The following PXDNL variants were observed in gnomAD, a reference collection of about 807,000 sequenced individuals.
PXDNL encodes peroxidasin like, also known as probable oxidoreductase PXDNL.
PXDNL carries 145 observed loss-of-function variants against 150.8 expected under a neutral mutation model. That is an observed-to-expected ratio of 0.96 (90% confidence interval 0.84 to 1.10). The LOEUF is 1.10. Ranked by LOEUF, PXDNL falls within the 50% of genes least tolerant of loss-of-function variation. The pLI is 0.00. For missense variants in PXDNL, 2,087 were observed against 1,873.9 expected (o/e 1.11, Z -2.10); for synonymous variants, 757 against 725.7 (o/e 1.04, Z -0.69).
Position 51,453,510 on chromosome 8 carries a change from C to T in PXDNL, c.1249+9G>A, listed in dbSNP as rs982138961. 19 of 1,613,544 alleles carry T rather than the reference C, an allele frequency of 1.2e-5. No individual in the cohort carries two copies. Among genetic ancestry groups the T allele is most frequent in the Non-Finnish European group, 1.6e-5 (19 of 1,179,470 alleles). ...GGAACATTTCAATCATGACCTTCTGCTCCCATACCTTGTACAATTATGTTT... is the reference window on the plus strand; with the variant it reads ...GGAACATTTCAATCATGACCTTCTGTTCCCATACCTTGTACAATTATGTTT... On this transcript the variant is annotated intron_variant, in intron 10 of 22. Coordinates refer to ENST00000356297, the MANE Select transcript of PXDNL (RefSeq NM_144651.5).
intron 12 of PXDNL, among the ~76,000 whole-genome samples, chr8:51,443,634 G>A (rs1171950998): frequency 6.6e-6 from 1 of 152,168 alleles, no homozygotes; most frequent in South Asian, 2.1e-4. Flanking sequence ...TAAATAACAT[G>A]TTTTTATGAA....
chr8:51,558,467 T>C (rs1437211437), intron 3 of PXDNL, among the ~76,000 whole-genome samples: 1 of 152,084 alleles, frequency 6.6e-6, no homozygotes, highest in African/African-American at 2.4e-5. Context: ...AAGGGTGTCA[T>C]GTCTTGAGCA....
chr8:51,565,321 A>AATAAATAAATAGATAGATAG lies in PXDNL; in HGVS notation c.309-8411_309-8410insCTATCTATCTATTTATTTAT, dbSNP rs569762504. Among the ~76,000 whole-genome samples, 427 of 135,548 alleles carry AATAAATAAATAGATAGATAG rather than the reference A, an allele frequency of 3.2e-3. 5 individuals carry two copies. Among genetic ancestry groups the AATAAATAAATAGATAGATAG allele is most frequent in the South Asian group, 0.013 (57 of 4,444 alleles). The allele number at this position is 135,548 out of a possible 152,430, so 88.9% of individuals were successfully genotyped here. On this transcript the variant is annotated intron_variant, in intron 3 of 22. Transcript: ENST00000356297. ...AAATAAATAAATAAATAAATAAATA[A>AATAAATAAATAGATAGATAG]ATAGATAGATAGATAGATAGATAAA...
chr8:51,358,055 G>C (rs1433108468), intron 19 of PXDNL, among the ~76,000 whole-genome samples: 1 of 152,142 alleles, frequency 6.6e-6, no homozygotes, highest in Non-Finnish European at 1.5e-5. Context: ...ATCTTCACAG[G>C]ATAAACATGA....
intron 1 of PXDNL, among the ~76,000 whole-genome samples, chr8:51,740,730 C>G (rs2036898226): frequency 6.6e-6 from 1 of 151,288 alleles, no homozygotes; most frequent in Non-Finnish European, 1.5e-5. Context: ...GGATATTAGA[C>G]CTTTGTCAGA....
At chr8:51,710,695 T>G (rs576958890) in intron 1 of PXDNL, among the ~76,000 whole-genome samples, 1 of 152,210 alleles carries the variant, frequency 6.6e-6, no homozygotes, top group Admixed American at 6.5e-5. Context: ...CATGAAGTAT[T>G]TGTCTTTCTG....
intron 2 of PXDNL, among the ~76,000 whole-genome samples, chr8:51,646,282 G>A (rs1337988797): frequency 1.3e-5 from 2 of 152,144 alleles, no homozygotes; most frequent in Non-Finnish European, 2.9e-5. Flanking sequence ...ACACACCAAG[G>A]AGAGAAGCCT....
At chr8:51,364,728 A>T (rs968113456) in intron 19 of PXDNL, among the ~76,000 whole-genome samples, 19 of 152,146 alleles carry the variant, frequency 1.2e-4, no homozygotes, top group Non-Finnish European at 2.4e-4. Flanking sequence ...CCTCCTCTTA[A>T]CCTACATCAT....
At chr8:51,451,232 G>A (rs897427125) in intron 10 of PXDNL, among the ~76,000 whole-genome samples, 4 of 151,914 alleles carry the variant, frequency 2.6e-5, no homozygotes, top group African/African-American at 7.2e-5. Context: ...TAAACTTCAC[G>A]TGTTCTCACT....
intron 4 of PXDNL, among the ~76,000 whole-genome samples, chr8:51,556,567 G>A (rs1199455633): frequency 6.6e-6 from 1 of 152,086 alleles, no homozygotes; most frequent in Non-Finnish European, 1.5e-5. Context: ...TTCAGGATTT[G>A]GAAACAAAGG....
intron 1 of PXDNL, among the ~76,000 whole-genome samples, chr8:51,703,511 A>G (rs1816301112): frequency 6.6e-6 from 1 of 152,044 alleles, no homozygotes; most frequent in African/African-American, 2.4e-5. Flanking sequence ...TTGTTTCTCT[A>G]CCTTTTATTT....
chr8:51,327,991 C>T (rs1391208336), intron 21 of PXDNL, among the ~76,000 whole-genome samples: 1 of 152,222 alleles, frequency 6.6e-6, no homozygotes, highest in African/African-American at 2.4e-5. Flanking sequence ...TATGAGTCAG[C>T]TTTGGGAGTG....
At chr8:51,575,236 A>T (rs923846949) in intron 3 of PXDNL, among the ~76,000 whole-genome samples, 1 of 152,014 alleles carries the variant, frequency 6.6e-6, no homozygotes, top group Non-Finnish European at 1.5e-5. Flanking sequence ...AGCACCCACT[A>T]AAAAAGCTGC....
intron 12 of PXDNL, among the ~76,000 whole-genome samples, chr8:51,430,122 T>C (rs1290195656): frequency 6.6e-6 from 1 of 152,198 alleles, no homozygotes; most frequent in Non-Finnish European, 1.5e-5. Context: ...GACACAACAG[T>C]TGCTCATTAC....
intron 2 of PXDNL, among the ~76,000 whole-genome samples, chr8:51,654,450 G>A (rs1815109361): frequency 6.6e-6 from 1 of 152,122 alleles, no homozygotes; most frequent in African/African-American, 2.4e-5. Context: ...TTCTCATGAA[G>A]CTTTTCTAAA....
chr8:51,391,799 A>G (rs1168118384), intron 17 of PXDNL, among the ~76,000 whole-genome samples: 2 of 152,294 alleles, frequency 1.3e-5, no homozygotes, highest in East Asian at 3.9e-4. Flanking sequence ...TGTTTTAGAC[A>G]TGAAGTCCTT....
intron 1 of PXDNL, among the ~76,000 whole-genome samples, chr8:51,715,495 G>A (rs1233849705): frequency 6.6e-6 from 1 of 152,146 alleles, no homozygotes; most frequent in Non-Finnish European, 1.5e-5. Context: ...AGGTTTGAAC[G>A]TCAATTGTGC....
intron 21 of PXDNL, 92 bp downstream of exon 21, chr8:51,339,532 G>T (rs146280543): frequency 2.4e-6 from 3 of 1,256,258 alleles, no homozygotes; most frequent in Non-Finnish European, 3.4e-6. Context: ...CTGATACTGT[G>T]CTGTAATTGT....
chr8:51,660,468 T>G (rs544644050), intron 1 of PXDNL, among the ~76,000 whole-genome samples: 4 of 152,204 alleles, frequency 2.6e-5, no homozygotes, highest in Non-Finnish European at 5.9e-5. Flanking sequence ...AAGAATCTCA[T>G]GCTCAGAGAG....
Sources: gnomAD v4.1 joint callset for allele counts (sites outside exome capture counted in the v4.1 genomes callset) on GRCh38, gnomAD v4.1.1 for gene constraint, MANE v1.5 for transcripts, NCBI Gene and HGNC (gene_info 2026-07-23, HGNC 2026-07-21) for gene names.